CFAP92: variants seen among roughly 807,000 people sequenced by gnomAD.
CFAP92 encodes uncharacterized protein CFAP92.
In CFAP92, 86 loss-of-function variants were observed where a neutral mutation model predicts 106.3. The ratio of observed to expected loss-of-function variants is 0.81; its 90% CI spans 0.68 to 0.97. CFAP92 has a LOEUF of 0.97. Among genes scored for constraint, CFAP92 ranks in the 50% least tolerant of loss-of-function variants. CFAP92 has a pLI of 0.00. For synonymous variants in CFAP92, 477 were observed against 506.4 expected, an observed-to-expected ratio of 0.94 and a Z score of 0.78; for missense variants, 1,204 against 1,283.8, an observed-to-expected ratio of 0.94 and a Z score of 0.95.
At chr3:128,912,055 CCA>C (rs1166017745) in intron 15 of CFAP92, among the ~76,000 whole-genome samples, 4 of 152,204 alleles carry the variant, frequency 2.6e-5, no homozygotes, top group Non-Finnish European at 5.9e-5. Context: ...CCCACAAAGC[CCA>C]GTCGTGTTGC....
chr3:129,009,557 T>C, the CFAP92 span, among the ~76,000 whole-genome samples: 1 of 152,238 alleles, frequency 6.6e-6, no homozygotes, highest in Non-Finnish European at 1.5e-5. Flanking sequence ...TTTGATGCTC[T>C]GACTGGCCAA....
At chr3:128,993,404 C>A in intron 1 of CFAP92, 68 bp from the exon 2 acceptor site, 1 of 1,475,958 alleles carries the variant, frequency 6.8e-7, no homozygotes, top group Non-Finnish European at 9.1e-7. Flanking sequence ...TAAGCCCGGC[C>A]TCCTGCAGAA....
At chr3:128,917,670 CTA>C (rs1936929946) in intron 12 of CFAP92, among the ~76,000 whole-genome samples, 1 of 151,870 alleles carries the variant, frequency 6.6e-6, no homozygotes, top group South Asian at 2.1e-4. Context: ...AGAAGTAAAA[CTA>C]AAAGAAAAAG....
chr3:129,002,107 G>A, intron 1 of CFAP92: 1 of 1,492,728 alleles, frequency 6.7e-7, no homozygotes, highest in African/African-American at 1.5e-5. Flanking sequence ...GCGGGGCCCC[G>A]GCTGCCCCGC....
rs1476084999 is a variant in CFAP92, at chr3:128,910,212, G to A, written c.*87C>T. ...GCCATCTGTCCTGCTGCACTTTAAT[G>A]AAGTTGATTGTTGAGGAGGGTGTGG... is the stretch of plus-strand genomic sequence containing the variant. On this transcript the variant is annotated 3_prime_UTR_variant, in exon 16 of 16. Transcript: ENST00000645291. 4 of 1,610,738 alleles carry A rather than the reference G, an allele frequency of 2.5e-6. No individual in the cohort carries two copies. The highest frequency in any genetic ancestry group is 1.1e-5 in the South Asian group (1 of 90,808).
intron 9 of CFAP92, among the ~76,000 whole-genome samples, chr3:128,959,753 C>A (rs187531570): frequency 6.6e-6 from 1 of 152,194 alleles, no homozygotes; most frequent in Non-Finnish European, 1.5e-5. Context: ...CACACCTAAT[C>A]CCAGGAACCC....
At position 128,915,503 on chromosome 3, in the gene CFAP92, C is replaced by G. The variant is rs548343951; in HGVS notation, c.2977G>C (p.Asp993His). ...DYLSAMVEPL[D>H]LKEEEKKAQK... ...GCTTTCTTCTCCTCTTCCTTCAAGT[C>G]CAGGGGCTCCACCATGGCTGAGAGG... Residue 993 changes from aspartate (D) to histidine (H), a missense_variant, in exon 14 of 16, where the codon GAC (aspartate) becomes CAC (histidine). Coordinates refer to ENST00000645291, the MANE Select transcript of CFAP92 (RefSeq NM_001394090.1). The G allele has an allele frequency of 3.3e-6, 5 of 1,535,948 alleles. No individual in the cohort carries two copies. In the African/African-American group the frequency reaches 5.5e-5, roughly 17 times the overall value.
At chr3:128,947,256 GGA>G (rs957004453) in intron 9 of CFAP92, among the ~76,000 whole-genome samples, 8 of 151,956 alleles carry the variant, frequency 5.3e-5, no homozygotes, top group Admixed American at 4.6e-4. Context: ...GTAAATAAAT[GGA>G]GAGATGTACT....
chr3:128,912,413 G>A lies in CFAP92; in HGVS notation c.3281-2080C>T, dbSNP rs953562299. 13 of 1,089,192 alleles carry A rather than the reference G, an allele frequency of 1.2e-5. No homozygotes were observed. In the African/African-American group the frequency reaches 1.8e-4, roughly 15 times the overall value. The allele number at this position is 1,089,192 out of a possible 1,614,324, so 67.5% of individuals were successfully genotyped here. Reference sequence around the variant, plus strand: ...CCCTTAGGGCTGCTTCATGGTGGGTGGGCTGACTTTGTGGAAAAATGCCCC... The same window carrying A: ...CCCTTAGGGCTGCTTCATGGTGGGTAGGCTGACTTTGTGGAAAAATGCCCC... On this transcript the variant is annotated intron_variant, in intron 15 of 15. Coordinates refer to ENST00000645291, the MANE Select transcript of CFAP92 (RefSeq NM_001394090.1).
rs79496152 is a variant in CFAP92 at position 128,933,441 on chromosome 3, C to T, written c.2454-444G>A. 3.1e-3 allele frequency among the ~76,000 whole-genome samples: 479 copies of T among 152,314 alleles called. 18 individuals carry two copies. The East Asian group carries it at 0.078, about 25-fold the overall frequency. On this transcript the variant is annotated intron_variant, in intron 11 of 15. Coordinates refer to ENST00000645291, the MANE Select transcript of CFAP92 (RefSeq NM_001394090.1). ...AGAGTCCTCAGCAAAGCTCAAGGACCTCCCCAGCCCCAAAGCCTCCTCCTG... is the reference window on the plus strand; with the variant it reads ...AGAGTCCTCAGCAAAGCTCAAGGACTTCCCCAGCCCCAAAGCCTCCTCCTG...
intron 9 of CFAP92, among the ~76,000 whole-genome samples, chr3:128,962,075 T>C (rs948957586): frequency 3.6e-4 from 55 of 152,120 alleles, no homozygotes; most frequent in African/African-American, 1.3e-3. Context: ...CCACTGGAAA[T>C]TGGACTGTTC....
At position 128,945,078 on chromosome 3, in the gene CFAP92, G is replaced by A. The variant is rs1940067917; in HGVS notation, c.2251C>T (p.Gln751Ter). ...GTAAAACAAACCACCTACCAGCTTT[G>A]GTGGTTCTCCCACAGCTGCCTCAAG... ...QGLRQLWENH[Q>*]SWIPRSEHRK... Residue 751 changes from glutamine (Q) to a stop codon, truncating the protein, a stop_gained, in exon 10 of 16, where the codon CAA (glutamine) becomes TAA (stop). Coordinates refer to ENST00000645291, the MANE Select transcript of CFAP92 (RefSeq NM_001394090.1). LOFTEE classifies it high-confidence loss of function. The A allele has an allele frequency of 6.6e-7, 1 of 1,519,172 alleles. No individual in the cohort carries two copies. The highest frequency in any genetic ancestry group is 1.2e-5 in the South Asian group (1 of 82,414). The allele number at this position is 1,519,172 out of a possible 1,614,324, so 94.1% of individuals were successfully genotyped here.
At chr3:129,002,627 A>G in exon 1 of CFAP92, 1 of 444,018 alleles carries the variant, frequency 2.3e-6, no homozygotes, top group Non-Finnish European at 3.9e-6. Context: ...TTAACCTAGG[A>G]ATTGCACCTG....
At chr3:128,986,062 A>C (rs1433811577) in intron 4 of CFAP92, among the ~76,000 whole-genome samples, 1 of 152,174 alleles carries the variant, frequency 6.6e-6, no homozygotes, top group Non-Finnish European at 1.5e-5. Context: ...AAAGACTGAA[A>C]GTGGGAAGTT....
At chr3:129,013,120 T>A in the CFAP92 span, among the ~76,000 whole-genome samples, 2 of 151,798 alleles carry the variant, frequency 1.3e-5, no homozygotes, top group African/African-American at 4.8e-5. Context: ...AAGTCAGGGG[T>A]AGTATACATG....
intron 7 of CFAP92, among the ~76,000 whole-genome samples, chr3:128,973,673 AAAG>A (rs1216901479): frequency 2.0e-5 from 3 of 152,060 alleles, no homozygotes; most frequent in African/African-American, 7.2e-5. Context: ...AAAAAAAAAA[AAAG>A]AGAGAGATGC....
At position 128,945,102 on chromosome 3, in the gene CFAP92, A is replaced by T. The variant is rs1282264482; in HGVS notation, c.2227T>A (p.Leu743Met). 6.5e-7 allele frequency: 1 copy of T among 1,532,810 alleles called. No individual in the cohort carries two copies. Among genetic ancestry groups the T allele is most frequent in the Admixed American group, 2.0e-5 (1 of 50,794 alleles). 95.0% of individuals were successfully genotyped at this position (1,532,810 alleles called of 1,614,324 possible). The change falls in exon 10 of 16, where the codon TTG becomes ATG. Residue 743 changes from leucine (L) to methionine (M), a missense_variant. Leu to Met is a conservative substitution (Grantham distance 15). Transcript: ENST00000645291. ...TGGTGGTTCTCCCACAGCTGCCTCAAGCCTTGGTCGGCCAGGCCTTCCAGG... is the reference window on the plus strand; with the variant it reads ...TGGTGGTTCTCCCACAGCTGCCTCATGCCTTGGTCGGCCAGGCCTTCCAGG... ...FILEGLADQG[L>M]RQLWENHQSW...
chr3:129,003,762 T>C (rs1351574852), upstream of CFAP92: 5 of 1,363,140 alleles, frequency 3.7e-6, no homozygotes, highest in East Asian at 3.2e-5. Context: ...CTGGGGCACT[T>C]ACCCCCTGCC....
At chr3:128,957,156 A>C (rs1025127366) in intron 9 of CFAP92, among the ~76,000 whole-genome samples, 1 of 152,206 alleles carries the variant, frequency 6.6e-6, no homozygotes, top group African/African-American at 2.4e-5. Context: ...TGAAACAGAA[A>C]GGAAATGACA....
Sources: allele counts gnomAD v4.1 joint callset (sites outside exome capture counted in the v4.1 genomes callset), GRCh38; gene constraint gnomAD v4.1.1; transcripts MANE v1.5; gene names NCBI Gene and HGNC (gene_info 2026-07-23, HGNC 2026-07-21).